FBXL4: variants seen among roughly 807,000 people sequenced by gnomAD.
FBXL4 encodes the protein F-box and leucine rich repeat protein 4.
Under a neutral mutation model 58.9 loss-of-function variants are expected in FBXL4, and 40 were observed. That is an observed-to-expected ratio of 0.68 (90% CI 0.53 to 0.88). The LOEUF (loss-of-function observed/expected upper bound fraction) is 0.88, where lower values mean the gene tolerates loss of function less well. FBXL4 is among the 40% of genes least tolerant of loss of function. The pLI is 0.00. For missense variants in FBXL4, 676 were observed against 734.4 expected, an observed-to-expected ratio of 0.92 and a Z score of 0.92; for synonymous variants, 263 against 265.5, an observed-to-expected ratio of 0.99 and a Z score of 0.09.
chr6:98,885,676 C>T (rs1771013373), intron 7 of FBXL4, among the ~76,000 whole-genome samples: 1 of 152,218 alleles, frequency 6.6e-6, no homozygotes. Context: ...CTTAAACCTG[C>T]TACCTGTCAG....
At chr6:98,883,379 T>A (rs185786381) in intron 7 of FBXL4, among the ~76,000 whole-genome samples, 2 of 152,146 alleles carry the variant, frequency 1.3e-5, no homozygotes, top group Admixed American at 6.5e-5. Flanking sequence ...GTCTTTTCAC[T>A]GTTTACTGGA....
At chr6:98,937,606 T>C (rs1773269885) in intron 1 of FBXL4, among the ~76,000 whole-genome samples, 1 of 152,074 alleles carries the variant, frequency 6.6e-6, no homozygotes, top group Non-Finnish European at 1.5e-5. Flanking sequence ...CATTTCAGGA[T>C]ACAGGGTGAA....
chr6:98,898,222 A>G (rs1771474533), intron 7 of FBXL4: 1 of 918,336 alleles, frequency 1.1e-6, no homozygotes, highest in Admixed American at 6.2e-5. Context: ...AAAAAAACAA[A>G]AGCCCTGAGC....
chr6:98,936,017 T>C (rs949251069), intron 1 of FBXL4, among the ~76,000 whole-genome samples: 2 of 152,172 alleles, frequency 1.3e-5, no homozygotes, highest in African/African-American at 4.8e-5. Flanking sequence ...ATACTAGCCA[T>C]ATATTTTTGT....
chr6:98,905,462 C>G lies in FBXL4; in HGVS notation c.1067G>C (p.Gly356Ala), dbSNP rs758201051. The G allele has an allele frequency of 6.2e-7, 1 of 1,613,964 alleles. No homozygotes were observed. The highest frequency in any genetic ancestry group is 1.7e-5 in the Admixed American group (1 of 59,996). The change falls in exon 6 of 10, where the codon GGC (glycine) becomes GCC (alanine). Residue 356 changes from glycine (G) to alanine (A), a missense_variant. Gly to Ala is a moderately conservative substitution (Grantham distance 60). Coordinates refer to ENST00000369244, the MANE Select transcript of FBXL4 (RefSeq NM_001278716.2). The stretch of plus-strand genomic sequence containing the variant: ...TGCAACAGAGATGAAGCCTCTATTG[C>G]CAGTCCAAGATAAATTAAGCCACTG... ...LVQWLNLSWT[G>A]NRGFISVAGF...
intron 5 of FBXL4, among the ~76,000 whole-genome samples, chr6:98,916,603 G>C (rs1309337006): frequency 6.6e-6 from 1 of 151,538 alleles, no homozygotes; most frequent in East Asian, 1.9e-4. Context: ...TCACTCATAG[G>C]TGGGAATTGA....
intron 3 of FBXL4, 138 bp from the exon 4 acceptor site, chr6:98,927,198 T>C (rs1164539220): frequency 1.6e-5 from 8 of 489,810 alleles, no homozygotes; most frequent in Non-Finnish European, 2.5e-5. Context: ...AATACAAATG[T>C]GAAGTCTGGT....
chr6:98,900,611 G>A (rs962595447), intron 6 of FBXL4, among the ~76,000 whole-genome samples: 3 of 152,138 alleles, frequency 2.0e-5, no homozygotes, highest in African/African-American at 4.8e-5. Context: ...ACACTGCCTC[G>A]TGGGATTGAA....
At chr6:98,919,012 A>G (rs1173582140) in intron 4 of FBXL4, among the ~76,000 whole-genome samples, 1 of 152,100 alleles carries the variant, frequency 6.6e-6, no homozygotes, top group African/African-American at 2.4e-5. Context: ...CTGAGATCTA[A>G]GTAAAAACTG....
intron 1 of FBXL4, among the ~76,000 whole-genome samples, chr6:98,939,267 T>C (rs146587528): frequency 8.6e-4 from 131 of 152,282 alleles, no homozygotes; most frequent in African/African-American, 2.7e-3. Context: ...TCTTGAACAG[T>C]AGCAGCTGCT....
intron 4 of FBXL4, among the ~76,000 whole-genome samples, chr6:98,921,051 T>C (rs1045579156): frequency 6.6e-6 from 1 of 152,218 alleles, no homozygotes; most frequent in African/African-American, 2.4e-5. Context: ...AAGTATCACA[T>C]GTGCAAAATT....
chr6:98,904,720 G>T (rs925412107), intron 6 of FBXL4, among the ~76,000 whole-genome samples: 3 of 152,040 alleles, frequency 2.0e-5, no homozygotes, highest in Non-Finnish European at 4.4e-5. Flanking sequence ...AAAATGCTGG[G>T]ATTATATGTA....
In FBXL4 at chr6:98,911,361, C is replaced by T. The variant is rs567997411; in HGVS notation, c.859-5691G>A. Among the ~76,000 whole-genome samples the T allele has an allele frequency of 2.0e-4, 31 of 152,262 alleles. No homozygotes were observed. In the South Asian group the frequency reaches 2.1e-3, roughly 10 times the overall value. On this transcript the variant is annotated intron_variant, in intron 5 of 9. Coordinates refer to ENST00000369244, the MANE Select transcript of FBXL4 (RefSeq NM_001278716.2). ...CAGCACGCAGCTGGAGATCTGAGAA[C>T]GGGCAGACTGCCTCCTCAAGTGGGT...
At chr6:98,919,823 A>C (rs566186928) in intron 4 of FBXL4, among the ~76,000 whole-genome samples, 2 of 152,226 alleles carry the variant, frequency 1.3e-5, no homozygotes, top group Non-Finnish European at 2.9e-5. Context: ...GAATACATGA[A>C]GAAATTCAAA....
rs1362040877 is a variant in FBXL4 at position 98,947,866 on chromosome 6, A to AGGCCTGGGTGCGGGGGC, written c.-386_-370dup. 1 of 151,882 alleles carries AGGCCTGGGTGCGGGGGC rather than the reference A, an allele frequency of 6.6e-6. No homozygotes were observed. The highest frequency in any genetic ancestry group is 6.6e-5 in the Admixed American group (1 of 15,252). The allele number at this position is 151,882 out of a possible 1,614,324, so 9.4% of individuals were successfully genotyped here. A position where few individuals can be genotyped will look rare whatever the true frequency, so the allele number is the denominator to read the frequency against. Reference sequence around the variant, plus strand: ...TCACCAGCGACCAGGCAGCGCGAGAAGGCCTGGGTGCGGGGGCGGCTCCCC... The same window carrying AGGCCTGGGTGCGGGGGC: ...TCACCAGCGACCAGGCAGCGCGAGAAGGCCTGGGTGCGGGGGCGGCCTGGGTGCGGGGGCGGCTCCCC... On this transcript the variant is annotated 5_prime_UTR_variant, in exon 1 of 10. Transcript: ENST00000369244.
Position 98,899,440 on chromosome 6 carries a change from A to C in FBXL4, c.1145T>G (p.Leu382Trp). The C allele has an allele frequency of 6.2e-7, 1 of 1,613,946 alleles. No homozygotes were observed. Among genetic ancestry groups the C allele is most frequent in the Non-Finnish European group, 8.5e-7 (1 of 1,179,904 alleles). ...TTCATTAAGAAAGTGGCTGCAAGAC[A>C]ATTCAAGGCGTACTAATTCGGATCC... The part of the protein sequence containing the change: ...VCGSELVRLE[L>W]SCSHFLNETC... Residue 382 changes from leucine (L) to tryptophan (W), a missense_variant, in exon 7 of 10, where the codon TTG (leucine) becomes TGG (tryptophan). Transcript: ENST00000369244.
intron 6 of FBXL4, 139 bp from the exon 7 acceptor site, chr6:98,899,620 A>T: frequency 9.3e-7 from 1 of 1,075,130 alleles, no homozygotes; most frequent in Non-Finnish European, 1.3e-6. Context: ...TGTTTTGCTT[A>T]AATTCTTATT....
At chr6:98,885,654 C>T (rs942125992) in intron 7 of FBXL4, among the ~76,000 whole-genome samples, 1 of 152,204 alleles carries the variant, frequency 6.6e-6, no homozygotes, top group African/African-American at 2.4e-5. Context: ...GAAACATCAG[C>T]TCTTCCTGGG....
chr6:98,936,240 C>T (rs529588829), intron 1 of FBXL4, among the ~76,000 whole-genome samples: 2 of 152,206 alleles, frequency 1.3e-5, no homozygotes, highest in East Asian at 3.9e-4. Context: ...TGACAGAAAC[C>T]AACATAACCA....
Sources: gnomAD v4.1 joint callset for allele counts (sites outside exome capture counted in the v4.1 genomes callset) on GRCh38, gnomAD v4.1.1 for gene constraint, MANE v1.5 for transcripts, NCBI Gene and HGNC (gene_info 2026-07-23, HGNC 2026-07-21) for gene names.